Variants in SLC1A2 observed in about 807,000 individuals in gnomAD.
SLC1A2 encodes solute carrier family 1 member 2.
A neutral mutation model predicts 48.8 loss-of-function variants in SLC1A2; 15 were observed. The ratio of observed to expected loss-of-function variants is 0.31; its 90% CI spans 0.21 to 0.47. SLC1A2 has a LOEUF of 0.47. Among genes scored for constraint, SLC1A2 ranks in the 20% least tolerant of loss-of-function variants. The pLI is 0.99. For missense variants in SLC1A2, 502 were observed against 730.5 expected, an observed-to-expected ratio of 0.69 and a Z score of 3.61; for synonymous variants, 279 against 272.6, an observed-to-expected ratio of 1.02 and a Z score of -0.23.
intron 1 of SLC1A2, among the ~76,000 whole-genome samples, chr11:35,321,602 G>A (rs1038739097): frequency 1.3e-5 from 2 of 152,050 alleles, no homozygotes; most frequent in African/African-American, 4.8e-5. Flanking sequence ...GCTGGGCCCT[G>A]TCACCATCAT....
At chr11:35,282,212 C>T (rs1850662262) in intron 8 of SLC1A2, among the ~76,000 whole-genome samples, 1 of 152,120 alleles carries the variant, frequency 6.6e-6, no homozygotes, top group South Asian at 2.1e-4. Context: ...TTCCCCTCCC[C>T]GTCCATGGTG....
intron 7 of SLC1A2, chr11:35,291,309 T>C (rs1312712346): frequency 6.6e-6 from 1 of 152,130 alleles, no homozygotes; most frequent in African/African-American, 2.4e-5. Flanking sequence ...TCACCCAGAC[T>C]AGAGTGCAGT....
At chr11:35,360,018 C>G in intron 1 of SLC1A2, 1 of 926,356 alleles carries the variant, frequency 1.1e-6, no homozygotes, top group Non-Finnish European at 1.3e-6. Flanking sequence ...CACAACCCAC[C>G]CTTAACCCAT....
At chr11:35,409,329 T>C (rs1855391420) in intron 1 of SLC1A2, among the ~76,000 whole-genome samples, 1 of 152,156 alleles carries the variant, frequency 6.6e-6, no homozygotes, top group Non-Finnish European at 1.5e-5. Flanking sequence ...AAGGACTCCA[T>C]GGGAAATAAC....
chr11:35,278,488 A>C (rs971635867), intron 9 of SLC1A2, among the ~76,000 whole-genome samples: 2 of 151,800 alleles, frequency 1.3e-5, no homozygotes, highest in African/African-American at 4.8e-5. Context: ...CATGTTGTTC[A>C]GGCTGGTCTT....
chr11:35,351,995 C>T (rs1314533083), intron 1 of SLC1A2, among the ~76,000 whole-genome samples: 1 of 152,120 alleles, frequency 6.6e-6, no homozygotes, highest in African/African-American at 2.4e-5. Flanking sequence ...CAAAAGGTTC[C>T]TAGTGGCTAT....
At chr11:35,405,603 G>C (rs74883710) in intron 1 of SLC1A2, among the ~76,000 whole-genome samples, 66 of 152,256 alleles carry the variant, frequency 4.3e-4, no homozygotes, top group African/African-American at 1.5e-3. Context: ...CAGAGGATGG[G>C]CTCAAAGATT....
At chr11:35,339,609 T>G (rs1590204974) in intron 1 of SLC1A2, among the ~76,000 whole-genome samples, 1 of 152,226 alleles carries the variant, frequency 6.6e-6, no homozygotes, top group East Asian at 1.9e-4. Flanking sequence ...CCACATCAAA[T>G]GAGAGAATGG....
Position 35,257,541 on chromosome 11 carries a change from T to C in SLC1A2, c.*3353A>G, listed in dbSNP as rs1223061358. On this transcript the variant is annotated 3_prime_UTR_variant, in exon 11 of 11. Coordinates refer to ENST00000278379, the MANE Select transcript of SLC1A2 (RefSeq NM_004171.4). The stretch of plus-strand genomic sequence containing the variant: ...TGAAGATCTGTGAGATCTAGATGAT[T>C]GCCCTGATTTTCTGATGCTCTTTGT... 1 of 152,192 alleles carries C rather than the reference T, an allele frequency of 6.6e-6. No homozygotes were observed. The highest frequency in any genetic ancestry group is 1.5e-5 in the Non-Finnish European group (1 of 68,034). The allele number at this position is 152,192 out of a possible 1,614,324, so 9.4% of individuals were successfully genotyped here.
chr11:35,343,891 A>G (rs563377263), intron 1 of SLC1A2, among the ~76,000 whole-genome samples: 2 of 152,208 alleles, frequency 1.3e-5, no homozygotes, highest in Admixed American at 1.3e-4. Context: ...GAAATTAATA[A>G]TGATGTACAA....
intron 5 of SLC1A2, 95 bp from the exon 6 acceptor site, chr11:35,301,740 T>C (rs1851363864): frequency 8.7e-7 from 1 of 1,146,910 alleles, no homozygotes; most frequent in Non-Finnish European, 1.3e-6. Flanking sequence ...GGAGCCATGT[T>C]CTCACTGCTG....
chr11:35,274,393 G>GT (rs1312428163), intron 9 of SLC1A2, among the ~76,000 whole-genome samples: 1 of 152,246 alleles, frequency 6.6e-6, no homozygotes, highest in African/African-American at 2.4e-5. Flanking sequence ...CCATGGGGAG[G>GT]TTGATGTAGA....
chr11:35,410,643 T>TC (rs1164295289), intron 1 of SLC1A2, among the ~76,000 whole-genome samples: 22 of 151,918 alleles, frequency 1.4e-4, no homozygotes, highest in Non-Finnish European at 3.2e-4. Flanking sequence ...TTAACTATAT[T>TC]CCCCCCAACC....
intron 1 of SLC1A2, among the ~76,000 whole-genome samples, chr11:35,405,356 T>C (rs1855254421): frequency 6.6e-6 from 1 of 152,112 alleles, no homozygotes; most frequent in South Asian, 2.1e-4. Flanking sequence ...AAGATCAATT[T>C]AACAACAACG....
intron 1 of SLC1A2, among the ~76,000 whole-genome samples, chr11:35,400,873 G>A (rs1392368856): frequency 6.6e-6 from 1 of 152,194 alleles, no homozygotes; most frequent in Non-Finnish European, 1.5e-5. Context: ...ATGTGCCCAA[G>A]GGGGTTGGGC....
chr11:35,345,173 C>T (rs888279985), intron 1 of SLC1A2, among the ~76,000 whole-genome samples: 2 of 152,186 alleles, frequency 1.3e-5, no homozygotes, highest in Non-Finnish European at 2.9e-5. Flanking sequence ...ATCACATATG[C>T]CGCCAAAGGA....
At chr11:35,350,506 G>A (rs1853212355) in intron 1 of SLC1A2, among the ~76,000 whole-genome samples, 1 of 152,140 alleles carries the variant, frequency 6.6e-6, no homozygotes, top group Admixed American at 6.5e-5. Flanking sequence ...CTTGCCCAAG[G>A]TCATATAACT....
At chr11:35,313,491 G>A (rs2134877016) in intron 3 of SLC1A2, among the ~76,000 whole-genome samples, 1 of 152,260 alleles carries the variant, frequency 6.6e-6, no homozygotes, top group Middle Eastern at 3.4e-3. Flanking sequence ...TCACTTCCTG[G>A]TTTCAGTTCC....
At chr11:35,264,383 A>G (rs1010656601) in intron 10 of SLC1A2, among the ~76,000 whole-genome samples, 1 of 152,240 alleles carries the variant, frequency 6.6e-6, no homozygotes, top group Non-Finnish European at 1.5e-5. Context: ...GAAGTCAAAA[A>G]GCTACCAGAG....
Sources: allele counts gnomAD v4.1 joint callset (sites outside exome capture counted in the v4.1 genomes callset), GRCh38; gene constraint gnomAD v4.1.1; transcripts MANE v1.5; gene names NCBI Gene and HGNC (gene_info 2026-07-23, HGNC 2026-07-21).